CCDC60: variants seen among roughly 807,000 people sequenced by gnomAD.
CCDC60 encodes the protein coiled-coil domain containing 60, also known as coiled-coil domain-containing protein 60.
Under a neutral mutation model 63.5 loss-of-function variants are expected in CCDC60, and 54 were observed. That is an observed-to-expected ratio of 0.85 (90% CI 0.68 to 1.07). The LOEUF (loss-of-function observed/expected upper bound fraction) is 1.07. CCDC60 is among the 50% of genes least tolerant of loss of function. The pLI, the probability that CCDC60 is intolerant of heterozygous loss-of-function variation, is 0.00. For synonymous variants in CCDC60, 206 were observed against 238.8 expected (o/e 0.86, Z 1.27); for missense variants, 651 against 684.3 (o/e 0.95, Z 0.54).
chr12:119,353,442 ATC>A (rs560596317), intron 1 of CCDC60, among the ~76,000 whole-genome samples: 12 of 146,958 alleles, frequency 8.2e-5, no homozygotes, highest in East Asian at 2.0e-4. Context: ...ATCTCTCAAA[ATC>A]TCTCTCTCTC....
At chr12:119,472,639 G>A (rs113091486) in intron 3 of CCDC60, among the ~76,000 whole-genome samples, 2,528 of 148,820 alleles carry the variant, frequency 0.017, 84 homozygotes, top group African/African-American at 0.059. Context: ...GGAGTGCAGC[G>A]GCGTGATCTT....
intron 1 of CCDC60, among the ~76,000 whole-genome samples, chr12:119,361,605 C>A (rs1230088054): frequency 6.6e-6 from 1 of 152,146 alleles, no homozygotes. Flanking sequence ...GCCCAGAGAC[C>A]AGGGTTACCC....
chr12:119,465,757 C>CA (rs11374064), intron 2 of CCDC60, among the ~76,000 whole-genome samples: 125,521 of 146,170 alleles, frequency 0.86, 53,919 homozygotes, highest in East Asian at 0.98. Context: ...GACTTCATCT[C>CA]AAAAAAAAAA....
intron 1 of CCDC60, among the ~76,000 whole-genome samples, chr12:119,372,719 C>T (rs1166634218): frequency 6.6e-6 from 1 of 152,160 alleles, no homozygotes; most frequent in Non-Finnish European, 1.5e-5. Context: ...TCACACAACA[C>T]CTGGGCCCTA....
chr12:119,346,367 A>T lies in CCDC60; in HGVS notation c.90+11101A>T, dbSNP rs148667628. Among the ~76,000 whole-genome samples, 957 of 152,254 alleles carry T rather than the reference A, an allele frequency of 6.3e-3. 7 individuals are homozygous for T. The highest frequency in any genetic ancestry group is 7.7e-3 in the Non-Finnish European group (521 of 68,026). ...CTAACCTCTACTTGTAGAGATGAGG[A>T]AACTGAGGCTTGAAGAAGTTTTGCA... On this transcript the variant is annotated intron_variant, in intron 1 of 13. Transcript: ENST00000327554.
chr12:119,417,864 C>G (rs150276334), intron 1 of CCDC60, among the ~76,000 whole-genome samples: 5 of 152,340 alleles, frequency 3.3e-5, no homozygotes, highest in African/African-American at 7.2e-5. Context: ...GCAAGAAGCC[C>G]AGACCCTTCC....
At chr12:119,534,476 G>T (rs1006846853) in intron 13 of CCDC60, among the ~76,000 whole-genome samples, 19 of 152,114 alleles carry the variant, frequency 1.2e-4, no homozygotes, top group Non-Finnish European at 1.2e-4. Flanking sequence ...GTGAGAGACG[G>T]CATCCCTGTC....
chr12:119,382,573 T>G (rs11608731), intron 1 of CCDC60, among the ~76,000 whole-genome samples: 12,680 of 152,336 alleles, frequency 0.083, 700 homozygotes, highest in Non-Finnish European at 0.12. Context: ...TGGCCTGTAC[T>G]ACTGGGCTGG....
chr12:119,455,144 T>C (rs1487058875), intron 2 of CCDC60, among the ~76,000 whole-genome samples: 1 of 152,228 alleles, frequency 6.6e-6, no homozygotes, highest in East Asian at 1.9e-4. Flanking sequence ...TTGCTTTGCT[T>C]TGCTGGTTGT....
chr12:119,405,222 C>T (rs7312409), intron 1 of CCDC60, among the ~76,000 whole-genome samples: 11,582 of 152,254 alleles, frequency 0.076, 568 homozygotes, highest in Middle Eastern at 0.16. Context: ...AAGCCTGAAC[C>T]CCAATTGGTT....
At position 119,489,727 on chromosome 12, in the gene CCDC60, A is replaced by AC. The variant is rs574840407; in HGVS notation, c.557+867dup. 9.0e-4 allele frequency among the ~76,000 whole-genome samples: 135 copies of AC among 150,352 alleles called. 1 individual carries two copies. Among genetic ancestry groups the AC allele is most frequent in the African/African-American group, 3.2e-3 (130 of 40,854 alleles). On this transcript the variant is annotated intron_variant, in intron 5 of 13. Coordinates refer to ENST00000327554, the MANE Select transcript of CCDC60 (RefSeq NM_178499.5). Reference sequence around the variant, plus strand: ...GCTGAGTTAAATAAAATAGTTCCCCACCCCCCGTGCTAACCCATGCCCTCC... The same window carrying AC: ...GCTGAGTTAAATAAAATAGTTCCCCACCCCCCCGTGCTAACCCATGCCCTCC...
rs146888853 is a variant in CCDC60, at chr12:119,469,140, A to G, written c.171-2854A>G. Among the ~76,000 whole-genome samples the G allele has an allele frequency of 6.6e-5, 10 of 152,302 alleles. No homozygotes were observed. The East Asian group carries it at 1.9e-3, about 29-fold the overall frequency. On this transcript the variant is annotated intron_variant, in intron 2 of 13. Coordinates refer to ENST00000327554, the MANE Select transcript of CCDC60 (RefSeq NM_178499.5). Reference sequence around the variant, plus strand: ...AGAATCACTCTTCCACTCAGAGTCAACAATGTCCTGTGGAACATTTCTTAA... The same window carrying G: ...AGAATCACTCTTCCACTCAGAGTCAGCAATGTCCTGTGGAACATTTCTTAA...
At chr12:119,348,621 A>G (rs919868509) in intron 1 of CCDC60, among the ~76,000 whole-genome samples, 1 of 152,194 alleles carries the variant, frequency 6.6e-6, no homozygotes, top group Non-Finnish European at 1.5e-5. Context: ...GTGAAGATTC[A>G]AGATAATGTT....
Position 119,389,439 on chromosome 12 carries a change from A to G in CCDC60, c.91-39244A>G, listed in dbSNP as rs190973663. Among the ~76,000 whole-genome samples, 51 of 152,254 alleles carry G rather than the reference A, an allele frequency of 3.3e-4. 1 individual carries two copies. Among genetic ancestry groups the G allele is most frequent in the Admixed American group, 3.1e-3 (47 of 15,284 alleles). The stretch of plus-strand genomic sequence containing the variant: ...TAGTATTTATGGTGTGGCCCTTTCT[A>G]GACAAGTTTGCTGACTCCAACTCTA... On this transcript the variant is annotated intron_variant, in intron 1 of 13. Coordinates refer to ENST00000327554, the MANE Select transcript of CCDC60 (RefSeq NM_178499.5).
rs748209413 is a variant in CCDC60 at position 119,335,234 on chromosome 12, C to T, written c.58C>T (p.Arg20Trp). ...GAGTTCCCCCAACTCGGGGGCTGTCCGGCCCTTTTATGCCTCGGAGAACCT... is the reference window on the plus strand; with the variant it reads ...GAGTTCCCCCAACTCGGGGGCTGTCTGGCCCTTTTATGCCTCGGAGAACCT... ...LQSSPNSGAV[R>W]PFYASENLRQ... Residue 20 changes from arginine (R) to tryptophan (W), a missense_variant, in exon 1 of 14, where the codon CGG (arginine) becomes TGG (tryptophan). By Grantham distance (101) the Arg-to-Trp change is moderately radical. Transcript: ENST00000327554. 54 of 1,604,146 alleles carry T rather than the reference C, an allele frequency of 3.4e-5. No individual in the cohort carries two copies. The highest frequency in any genetic ancestry group is 4.4e-5 in the Non-Finnish European group (52 of 1,175,948).
At position 119,519,432 on chromosome 12, in the gene CCDC60, T is replaced by TGCGCAC. The variant is rs1423369088; in HGVS notation, c.969-688_969-687insCGCACG. Among the ~76,000 whole-genome samples, 164 of 129,354 alleles carry TGCGCAC rather than the reference T, an allele frequency of 1.3e-3. 1 individual carries two copies. Among genetic ancestry groups the TGCGCAC allele is most frequent in the African/African-American group, 3.3e-3 (108 of 32,760 alleles). 84.9% of individuals were successfully genotyped at this position (129,354 alleles called of 152,430 possible). On this transcript the variant is annotated intron_variant, in intron 8 of 13. Coordinates refer to ENST00000327554, the MANE Select transcript of CCDC60 (RefSeq NM_178499.5). Reference sequence around the variant, plus strand: ...GTGTGTGTGTGTGTGTGTGTGTGTGTGTGCGCGTGTGTGTGTGTGTATATA... The same window carrying TGCGCAC: ...GTGTGTGTGTGTGTGTGTGTGTGTGTGCGCACGTGCGCGTGTGTGTGTGTGTATATA...
At chr12:119,388,550 A>G (rs1053493899) in intron 1 of CCDC60, among the ~76,000 whole-genome samples, 118 of 152,124 alleles carry the variant, frequency 7.8e-4, no homozygotes, top group Non-Finnish European at 1.2e-3. Context: ...GATCATCTAT[A>G]TATTCATTGT....
chr12:119,439,268 C>T (rs1302934909), intron 2 of CCDC60, among the ~76,000 whole-genome samples: 2 of 151,310 alleles, frequency 1.3e-5, no homozygotes, highest in East Asian at 2.0e-4. Flanking sequence ...TGTGTGTGTG[C>T]ACGTGCATGC....
At chr12:119,491,264 A>G (rs755200492) in intron 5 of CCDC60, among the ~76,000 whole-genome samples, 4 of 152,130 alleles carry the variant, frequency 2.6e-5, no homozygotes, top group African/African-American at 7.2e-5. Flanking sequence ...TCATTTCCCA[A>G]TTTTTGACAT....
Sources: allele counts gnomAD v4.1 joint callset (sites outside exome capture counted in the v4.1 genomes callset), GRCh38; gene constraint gnomAD v4.1.1; transcripts MANE v1.5; gene names NCBI Gene and HGNC (gene_info 2026-07-23, HGNC 2026-07-21).